The following LY96 variants were observed in gnomAD, a reference collection of about 807,000 sequenced individuals.
LY96 encodes myeloid differentiation protein-2.
LY96 carries 18 observed loss-of-function variants against 18.9 expected under a neutral mutation model. That is an observed-to-expected ratio of 0.95 (90% CI 0.66 to 1.41). LY96 has a LOEUF of 1.41. Ranked by LOEUF, LY96 falls within the 40% of genes most tolerant of loss-of-function variation. The probability of loss-of-function intolerance (pLI) is 0.00; values close to 1 mark genes in which losing one functional copy is unlikely to be tolerated. For missense variants in LY96, 175 were observed against 182.4 expected (o/e 0.96, Z 0.23); for synonymous variants, 66 against 62.6 (o/e 1.06, Z -0.26).
the LY96 span, among the ~76,000 whole-genome samples, chr8:74,096,010 T>G: frequency 6.6e-6 from 1 of 152,228 alleles, no homozygotes; most frequent in Non-Finnish European, 1.5e-5. Flanking sequence ...GACAGCTTCA[T>G]GTGTTTAAGT....
chr8:74,067,615 A>G, the LY96 span, among the ~76,000 whole-genome samples: 5 of 152,118 alleles, frequency 3.3e-5, no homozygotes, highest in African/African-American at 1.2e-4. Context: ...GACCACCCCA[A>G]TTTAACTCAT....
the LY96 span, among the ~76,000 whole-genome samples, chr8:74,080,482 G>C: frequency 3.9e-5 from 6 of 152,332 alleles, no homozygotes; most frequent in African/African-American, 1.4e-4. Flanking sequence ...ATGGCCAAGT[G>C]CATGCCCTGA....
At chr8:74,095,863 C>T in the LY96 span, among the ~76,000 whole-genome samples, 1 of 152,218 alleles carries the variant, frequency 6.6e-6, no homozygotes, top group Non-Finnish European at 1.5e-5. Flanking sequence ...CAGCCCACAC[C>T]TGTCCCTGAA....
the LY96 span, among the ~76,000 whole-genome samples, chr8:74,068,750 G>A: frequency 6.6e-6 from 1 of 152,126 alleles, no homozygotes; most frequent in African/African-American, 2.4e-5. Flanking sequence ...TGAAGGATCT[G>A]TTAGAATCTT....
the LY96 span, among the ~76,000 whole-genome samples, chr8:74,045,730 A>AG: frequency 6.6e-6 from 1 of 152,128 alleles, no homozygotes; most frequent in Non-Finnish European, 1.5e-5. Flanking sequence ...CAGGAGACAG[A>AG]GGGGCCTGTC....
chr8:74,026,794 G>A lies in LY96; in HGVS notation c.337G>A (p.Val113Met). ...SFCRALKGET[V>M]NTTISFSFKG... ...ATTTTATATTTTGTTTGCAGAGACTGTGAATACAACAATATCATTCTCCTT... is the reference window on the plus strand; with the variant it reads ...ATTTTATATTTTGTTTGCAGAGACTATGAATACAACAATATCATTCTCCTT... The change falls in exon 4 of 5, where the codon GTG becomes ATG. Residue 113 changes from valine to methionine, a missense_variant. Physicochemically the swap from Val to Met is conservative, Grantham distance 21. Transcript: ENST00000284818. 1 of 1,531,088 alleles carries A rather than the reference G, an allele frequency of 6.5e-7. No homozygotes were observed. Among genetic ancestry groups the A allele is most frequent in the East Asian group, 2.2e-5 (1 of 44,454 alleles). 94.8% of individuals were successfully genotyped at this position (1,531,088 alleles called of 1,614,324 possible).
the LY96 span, among the ~76,000 whole-genome samples, chr8:74,048,006 C>A: frequency 6.6e-5 from 10 of 152,096 alleles, no homozygotes; most frequent in African/African-American, 2.2e-4. Flanking sequence ...TCAAAAAATC[C>A]TCCCACCTCA....
chr8:74,077,818 G>T, the LY96 span, among the ~76,000 whole-genome samples: 1 of 151,964 alleles, frequency 6.6e-6, no homozygotes, highest in African/African-American at 2.4e-5. Context: ...GGTAAAAGAG[G>T]TAACATGGGC....
At chr8:74,055,194 C>T in the LY96 span, among the ~76,000 whole-genome samples, 10 of 152,298 alleles carry the variant, frequency 6.6e-5, no homozygotes, top group East Asian at 1.9e-3. Flanking sequence ...AAGTGTGAGC[C>T]ACCATACTCG....
chr8:73,992,836 C>CTGTGTGTGTGTGTGTGTG (rs34327741), intron 1 of LY96, among the ~76,000 whole-genome samples: 98 of 141,872 alleles, frequency 6.9e-4, no homozygotes, highest in Admixed American at 4.6e-3. Context: ...AATTATGCCA[C>CTGTGTGTGTGTGTGTGTG]TGTGTGTGTG....
At chr8:74,000,708 G>C (rs1352834157) in intron 1 of LY96, among the ~76,000 whole-genome samples, 1 of 152,086 alleles carries the variant, frequency 6.6e-6, no homozygotes, top group Non-Finnish European at 1.5e-5. Flanking sequence ...ATCTTCATCT[G>C]TTTTTTGCTG....
chr8:74,086,313 C>G, the LY96 span, among the ~76,000 whole-genome samples: 2 of 152,182 alleles, frequency 1.3e-5, no homozygotes, highest in African/African-American at 4.8e-5. Context: ...AGAACATGTA[C>G]CAGTTTTGCT....
At chr8:74,015,697 A>G (rs142018546) in intron 3 of LY96, among the ~76,000 whole-genome samples, 1 of 152,226 alleles carries the variant, frequency 6.6e-6, no homozygotes, top group Non-Finnish European at 1.5e-5. Context: ...TCTGAGGCTC[A>G]GATCCCGCCC....
chr8:74,017,554 C>G (rs563836651), intron 3 of LY96, among the ~76,000 whole-genome samples: 20 of 152,110 alleles, frequency 1.3e-4, no homozygotes, highest in African/African-American at 4.8e-4. Context: ...ACAGAGAACA[C>G]CACAAGGTAC....
chr8:74,037,521 A>G, the LY96 span, among the ~76,000 whole-genome samples: 1 of 152,032 alleles, frequency 6.6e-6, no homozygotes. Flanking sequence ...AGTCCCAGCT[A>G]CTCAGGAGGC....
At chr8:74,086,493 G>A in the LY96 span, among the ~76,000 whole-genome samples, 1 of 152,204 alleles carries the variant, frequency 6.6e-6, no homozygotes, top group Non-Finnish European at 1.5e-5. Context: ...TTCCATGGCT[G>A]TTATAACAGG....
chr8:74,086,629 T>C, the LY96 span, among the ~76,000 whole-genome samples: 3 of 152,376 alleles, frequency 2.0e-5, no homozygotes, highest in East Asian at 5.8e-4. Flanking sequence ...ATATTCTAAC[T>C]GATGCTGTTT....
At chr8:74,020,359 C>T (rs1353214671) in intron 3 of LY96, among the ~76,000 whole-genome samples, 1 of 152,166 alleles carries the variant, frequency 6.6e-6, no homozygotes, top group Non-Finnish European at 1.5e-5. Flanking sequence ...ATCCAACTTA[C>T]AAGGGTTGTA....
At chr8:74,040,863 G>A in the LY96 span, among the ~76,000 whole-genome samples, 25 of 151,762 alleles carry the variant, frequency 1.6e-4, no homozygotes, top group East Asian at 1.2e-3. Flanking sequence ...CCACCACACC[G>A]GGCTAATTTT....
Sources: gnomAD v4.1 joint callset for allele counts (sites outside exome capture counted in the v4.1 genomes callset) on GRCh38, gnomAD v4.1.1 for gene constraint, MANE v1.5 for transcripts, NCBI Gene and HGNC (gene_info 2026-07-23, HGNC 2026-07-21) for gene names.